The following RFX7 variants were observed in gnomAD, a reference collection of about 807,000 sequenced individuals.
The protein encoded by RFX7 is DNA-binding protein RFX7.
A neutral mutation model predicts 111.8 loss-of-function variants in RFX7; 26 were observed. The ratio of observed to expected loss-of-function variants is 0.23; its 90% CI spans 0.17 to 0.32. RFX7 has a LOEUF of 0.32. Among genes scored for constraint, RFX7 ranks in the 10% least tolerant of loss-of-function variants. RFX7 has a pLI of 1.00. For missense variants in RFX7, 1,573 were observed against 1,772.9 expected (o/e 0.89, Z 2.02); for synonymous variants, 624 against 624.4 (o/e 1.00, Z 0.01).
intron 9 of RFX7, among the ~76,000 whole-genome samples, chr15:56,097,869 G>C (rs2041702660): frequency 6.6e-6 from 1 of 151,240 alleles, no homozygotes; most frequent in Non-Finnish European, 1.5e-5. Flanking sequence ...TGTATGTCTT[G>C]GATCTTTATA....
chr15:56,243,613 G>A lies in RFX7; in HGVS notation c.-171C>T, dbSNP rs1249773337. On this transcript the variant is annotated 5_prime_UTR_variant, in exon 1 of 10. Coordinates refer to ENST00000559447, the MANE Select transcript of RFX7 (RefSeq NM_022841.7). The stretch of plus-strand genomic sequence containing the variant: ...CGTCAGCGGCCGGGGCTGTGGGGGG[G>A]TGAGATGGGGGCGTTTGAAGACGAA... 9.8e-5 allele frequency: 29 copies of A among 295,552 alleles called. No individual in the cohort carries two copies. The highest frequency in any genetic ancestry group is 6.5e-4 in the South Asian group (5 of 7,658). The allele number at this position is 295,552 out of a possible 1,614,324, so 18.3% of individuals were successfully genotyped here. A position where few individuals can be genotyped will look rare whatever the true frequency, so the allele number is the denominator to read the frequency against.
At chr15:56,161,996 C>T (rs912294735) in intron 3 of RFX7, among the ~76,000 whole-genome samples, 1 of 151,974 alleles carries the variant, frequency 6.6e-6, no homozygotes, top group African/African-American at 2.4e-5. Flanking sequence ...CAGGAGAAGC[C>T]AAGGTTATTA....
At chr15:56,234,181 T>A (rs2043598197) in intron 2 of RFX7, among the ~76,000 whole-genome samples, 1 of 152,244 alleles carries the variant, frequency 6.6e-6, no homozygotes, top group African/African-American at 2.4e-5. Flanking sequence ...CCACTGCTTA[T>A]ACGCCATTAT....
chr15:56,181,108 T>C (rs1212594230), intron 2 of RFX7, among the ~76,000 whole-genome samples: 3 of 152,200 alleles, frequency 2.0e-5, no homozygotes, highest in Non-Finnish European at 4.4e-5. Flanking sequence ...GTCTTTACCA[T>C]GGCCATAAAA....
intron 9 of RFX7, 38 bp downstream of exon 9, chr15:56,098,043 C>G (rs770787638): frequency 1.9e-6 from 3 of 1,581,540 alleles, no homozygotes; most frequent in East Asian, 4.5e-5. Flanking sequence ...TGATTTCCCA[C>G]CATCCCAATA....
intron 2 of RFX7, among the ~76,000 whole-genome samples, chr15:56,208,734 A>G (rs916087141): frequency 2.0e-5 from 3 of 152,184 alleles, no homozygotes; most frequent in African/African-American, 7.2e-5. Flanking sequence ...AAATGTCAAG[A>G]GATTAGAAAC....
At chr15:56,184,331 G>C (rs183648384) in intron 2 of RFX7, among the ~76,000 whole-genome samples, 2 of 150,538 alleles carry the variant, frequency 1.3e-5, no homozygotes, top group Non-Finnish European at 3.0e-5. Flanking sequence ...GAGCCACTGC[G>C]CCCGGACAGT....
chr15:56,124,417 G>A (rs1478616190), intron 5 of RFX7, among the ~76,000 whole-genome samples: 1 of 142,644 alleles, frequency 7.0e-6, no homozygotes, highest in Non-Finnish European at 1.5e-5. Flanking sequence ...GCAAGACTCA[G>A]TCTCCGAAAA....
chr15:56,220,575 G>A (rs1315075841), intron 2 of RFX7, among the ~76,000 whole-genome samples: 1 of 151,928 alleles, frequency 6.6e-6, no homozygotes, highest in East Asian at 1.9e-4. Flanking sequence ...TACAGACTCT[G>A]GATATTAGAC....
intron 5 of RFX7, among the ~76,000 whole-genome samples, chr15:56,133,249 A>G (rs1283918277): frequency 2.0e-5 from 3 of 152,122 alleles, no homozygotes; most frequent in African/African-American, 7.2e-5. Flanking sequence ...GTTTTTGCAT[A>G]CTGAAAGCTC....
At chr15:56,115,318 G>T (rs1326017250) in intron 5 of RFX7, among the ~76,000 whole-genome samples, 1 of 152,154 alleles carries the variant, frequency 6.6e-6, no homozygotes, top group African/African-American at 2.4e-5. Context: ...ACAGGGGTGA[G>T]CCTCTGTGCC....
chr15:56,098,046 TC>T (rs2041704842), intron 9 of RFX7, 34 bp downstream of exon 9: 1 of 1,589,094 alleles, frequency 6.3e-7, no homozygotes, highest in South Asian at 1.1e-5. Context: ...TTTCCCACCA[TC>T]CCAATAAGGC....
intron 3 of RFX7, among the ~76,000 whole-genome samples, chr15:56,155,208 G>A (rs1247944417): frequency 6.6e-6 from 1 of 152,138 alleles, no homozygotes; most frequent in Non-Finnish European, 1.5e-5. Flanking sequence ...CATTGCGGAA[G>A]ACAGTATGGC....
chr15:56,087,662 G>A lies in RFX7; in HGVS notation c.*5683C>T. On this transcript the variant is annotated 3_prime_UTR_variant, in exon 10 of 10. Coordinates refer to ENST00000559447, the MANE Select transcript of RFX7 (RefSeq NM_022841.7). ...AATCAAGGACTTTTACAGTAAAGAA[G>A]AAGGGGAGAATGCATACTACTGGTA... 7.1e-6 allele frequency: 3 copies of A among 424,570 alleles called. No homozygotes were observed. The highest frequency in any genetic ancestry group is 3.4e-5 in the South Asian group (2 of 58,052). The allele number at this position is 424,570 out of a possible 1,614,324, so 26.3% of individuals were successfully genotyped here.
intron 5 of RFX7, among the ~76,000 whole-genome samples, chr15:56,124,266 C>A (rs2042114030): frequency 6.6e-6 from 1 of 151,892 alleles, no homozygotes; most frequent in Admixed American, 6.6e-5. Context: ...ACTAAAAATA[C>A]AAAAAATTAG....
At chr15:56,146,498 A>C (rs2042474821) in intron 3 of RFX7, among the ~76,000 whole-genome samples, 1 of 152,200 alleles carries the variant, frequency 6.6e-6, no homozygotes, top group African/African-American at 2.4e-5. Context: ...TGTCTGAGAA[A>C]GTGTAATAAA....
At chr15:56,235,537 T>A (rs1271734783) in intron 2 of RFX7, among the ~76,000 whole-genome samples, 1 of 152,158 alleles carries the variant, frequency 6.6e-6, no homozygotes, top group African/African-American at 2.4e-5. Flanking sequence ...CTCTCCATGC[T>A]TGGTTTATAC....
intron 1 of RFX7, 29 bp downstream of exon 1, chr15:56,243,416 G>A (rs1046520667): frequency 6.6e-5 from 74 of 1,120,708 alleles, no homozygotes; most frequent in South Asian, 2.2e-4. Context: ...GGAGGAGGAG[G>A]AAGGAAGCTG....
At chr15:56,169,515 A>G (rs541262188) in intron 3 of RFX7, among the ~76,000 whole-genome samples, 11 of 152,260 alleles carry the variant, frequency 7.2e-5, no homozygotes, top group African/African-American at 2.6e-4. Context: ...TATTTACACT[A>G]ATTATCTCAT....
Sources: allele counts gnomAD v4.1 joint callset (sites outside exome capture counted in the v4.1 genomes callset), GRCh38; gene constraint gnomAD v4.1.1; transcripts MANE v1.5; gene names NCBI Gene and HGNC (gene_info 2026-07-23, HGNC 2026-07-21).